Variants in ZC3H8 observed in about 807,000 individuals in gnomAD.
The protein encoded by ZC3H8 is zinc finger CCCH domain-containing protein 8.
Under a neutral mutation model 42.5 loss-of-function variants are expected in ZC3H8, and 27 were observed. The ratio of observed to expected loss-of-function variants is 0.64; its 90% CI spans 0.47 to 0.88. The LOEUF (loss-of-function observed/expected upper bound fraction) is 0.88. Ranked by LOEUF, ZC3H8 falls within the 40% of genes least tolerant of loss-of-function variation. The probability of loss-of-function intolerance (pLI) is 0.00; values close to 1 mark genes in which losing one functional copy is unlikely to be tolerated. For missense variants in ZC3H8, 277 were observed against 336.1 expected, an observed-to-expected ratio of 0.82 and a Z score of 1.37; for synonymous variants, 101 against 110.1, an observed-to-expected ratio of 0.92 and a Z score of 0.52.
intron 2 of ZC3H8, among the ~76,000 whole-genome samples, chr2:112,247,668 C>G (rs375826856): frequency 6.6e-6 from 1 of 152,212 alleles, no homozygotes; most frequent in East Asian, 1.9e-4. Context: ...AGAGGCTGCA[C>G]TGAAGCAAGC....
rs903126430 is a variant in ZC3H8 at position 112,242,597 on chromosome 2, C to T, written c.157-4069G>A. Among the ~76,000 whole-genome samples the T allele has an allele frequency of 1.5e-4, 23 of 152,194 alleles. No individual in the cohort carries two copies. The East Asian group carries it at 4.2e-3, about 28-fold the overall frequency. ...ACTTCAAATGTCAAGTATTTAAAGGCGCAGTGAATTGTGGATTATTATACT... is the reference window on the plus strand; with the variant it reads ...ACTTCAAATGTCAAGTATTTAAAGGTGCAGTGAATTGTGGATTATTATACT... On this transcript the variant is annotated intron_variant, in intron 2 of 8. Transcript: ENST00000409573.
chr2:112,240,335 G>C (rs1685526071), intron 2 of ZC3H8: 1 of 152,174 alleles, frequency 6.6e-6, no homozygotes, highest in Admixed American at 6.5e-5. Flanking sequence ...TTTATGAAAA[G>C]GTTGGCCGAC....
At chr2:112,220,932 T>C (rs1684557149) in intron 8 of ZC3H8, among the ~76,000 whole-genome samples, 3 of 152,266 alleles carry the variant, frequency 2.0e-5, no homozygotes, top group Non-Finnish European at 4.4e-5. Flanking sequence ...CTATCCGTCA[T>C]GAGGATGATC....
chr2:112,218,679 T>C (rs190598687), intron 8 of ZC3H8, among the ~76,000 whole-genome samples: 1 of 151,652 alleles, frequency 6.6e-6, no homozygotes, highest in African/African-American at 2.4e-5. Context: ...TTTGGAAACA[T>C]AGAGAGAGAG....
intron 8 of ZC3H8, among the ~76,000 whole-genome samples, chr2:112,229,371 C>A (rs1307704338): frequency 6.6e-6 from 1 of 151,832 alleles, no homozygotes; most frequent in Non-Finnish European, 1.5e-5. Context: ...TTTTTTCATT[C>A]ATTCTACCAG....
In ZC3H8 at chr2:112,216,683, C is replaced by CA. The variant is rs71385865; in HGVS notation, c.*16-216dup. On this transcript the variant is annotated intron_variant, in intron 8 of 8. Transcript: ENST00000409573. ...TCAAAAACTAAGATTAGAACTGAAG[C>CA]AAAAAAAAAAAAAATACAAATAATG... is the stretch of plus-strand genomic sequence containing the variant. Among the ~76,000 whole-genome samples, 457 of 120,988 alleles carry CA rather than the reference C, an allele frequency of 3.8e-3. 3 individuals are homozygous for CA. The highest frequency in any genetic ancestry group is 4.9e-3 in the African/African-American group (163 of 33,310). 79.4% of individuals were successfully genotyped at this position (120,988 alleles called of 152,430 possible).
chr2:112,236,690 TAGC>T lies in ZC3H8; in HGVS notation c.373_375del (p.Ala125del). On this transcript the variant is annotated inframe_deletion and splice_region_variant, in exon 4 of 9. Coordinates refer to ENST00000409573, the MANE Select transcript of ZC3H8 (RefSeq NM_032494.3). The stretch of plus-strand genomic sequence containing the variant: ...GCTTTAAGATTTTTATTTTTTTGTT[TAGC>T]AGCTAAAAACAAAAAATTAATTTAA... 1.2e-6 allele frequency: 2 copies of T among 1,605,746 alleles called. No homozygotes were observed. The highest frequency in any genetic ancestry group is 1.7e-6 in the Non-Finnish European group (2 of 1,176,734).
chr2:112,238,850 TTGATA>T (rs1295883656), intron 2 of ZC3H8, among the ~76,000 whole-genome samples: 2 of 152,268 alleles, frequency 1.3e-5, no homozygotes, highest in Non-Finnish European at 1.5e-5. Context: ...TCTTAATTAT[TTGATA>T]TGAGAGGATT....
rs2104633597 is a variant in ZC3H8 at position 112,212,298 on chromosome 2, T to G, written c.*4186A>C. The G allele has an allele frequency of 6.6e-6, 1 of 152,356 alleles. No homozygotes were observed. The highest frequency in any genetic ancestry group is 3.4e-3 in the Middle Eastern group (1 of 294). 9.4% of individuals were successfully genotyped at this position (152,356 alleles called of 1,614,324 possible). On this transcript the variant is annotated 3_prime_UTR_variant, in exon 9 of 9. Transcript: ENST00000409573. ...GGCCCTACCTCCTAACAGTTAGTCC[T>G]AGGAGTCAGGATTTCAACACATGAA... is the stretch of plus-strand genomic sequence containing the variant.
chr2:112,238,241 C>T, intron 3 of ZC3H8, 74 bp downstream of exon 3: 1 of 1,433,366 alleles, frequency 7.0e-7, no homozygotes, highest in South Asian at 1.3e-5. Context: ...AAAGAAAAAT[C>T]CTCTGTCCGT....
At chr2:112,250,602 C>T (rs1685912414) in intron 1 of ZC3H8, among the ~76,000 whole-genome samples, 1 of 152,332 alleles carries the variant, frequency 6.6e-6, no homozygotes, top group Admixed American at 6.5e-5. Flanking sequence ...GCCTTAGGCC[C>T]TGGACTACAA....
intron 1 of ZC3H8, among the ~76,000 whole-genome samples, chr2:112,252,352 T>A (rs1685979793): frequency 6.6e-6 from 1 of 152,098 alleles, no homozygotes; most frequent in Non-Finnish European, 1.5e-5. Flanking sequence ...CTCTCTCACA[T>A]CCCCATCCAA....
chr2:112,254,384 T>C (rs1404407211), intron 1 of ZC3H8, among the ~76,000 whole-genome samples: 1 of 152,242 alleles, frequency 6.6e-6, no homozygotes, highest in Non-Finnish European at 1.5e-5. Context: ...TTGTGGTCTT[T>C]AGGGTCTTTC....
intron 4 of ZC3H8, among the ~76,000 whole-genome samples, chr2:112,236,046 C>A (rs1685311751): frequency 6.6e-6 from 1 of 151,812 alleles, no homozygotes; most frequent in Non-Finnish European, 1.5e-5. Flanking sequence ...GGTGGATCAC[C>A]TGAGGTCAGG....
In ZC3H8 at chr2:112,231,760, ATCTTCAAATTC is replaced by A. The variant is rs1373960705; in HGVS notation, c.843+67_843+77del. ...AACCTAAGAGGCACTCTCCTTAATT[ATCTTCAAATTC>A]TCATCCTTAGTTCAAACATATTCCT... On this transcript the variant is annotated intron_variant, in intron 7 of 8. Coordinates refer to ENST00000409573, the MANE Select transcript of ZC3H8 (RefSeq NM_032494.3). 5.9e-6 allele frequency: 5 copies of A among 848,242 alleles called. No homozygotes were observed. The African/African-American group carries it at 8.6e-5, about 15-fold the overall frequency. The allele number at this position is 848,242 out of a possible 1,614,324, so 52.5% of individuals were successfully genotyped here. A position where few individuals can be genotyped will look rare whatever the true frequency, so the allele number is the denominator to read the frequency against.
At chr2:112,232,208 C>A (rs539584694) in intron 6 of ZC3H8, among the ~76,000 whole-genome samples, 1 of 150,778 alleles carries the variant, frequency 6.6e-6, no homozygotes, top group South Asian at 2.1e-4. Flanking sequence ...CCCAGCTACT[C>A]AGGAGGCTGA....
intron 2 of ZC3H8, among the ~76,000 whole-genome samples, chr2:112,244,501 CAAAG>C (rs1448698981): frequency 6.6e-6 from 1 of 152,180 alleles, no homozygotes; most frequent in Non-Finnish European, 1.5e-5. Flanking sequence ...GAGATATCTA[CAAAG>C]AAAGTTATAG....
In ZC3H8 at chr2:112,233,268, TAC is replaced by T. The variant is rs759596818; in HGVS notation, c.723_724del (p.Tyr242PhefsTer3). 6.4e-7 allele frequency: 1 copy of T among 1,573,154 alleles called. No homozygotes were observed. The highest frequency in any genetic ancestry group is 1.9e-5 in the Admixed American group (1 of 53,494). ...CTTGTGATAAAGGATATTATGCAAA[TAC>T]AGACAGTTTTCACCTCTGGTACAAT... On this transcript the variant is annotated frameshift_variant, in exon 6 of 9. Transcript: ENST00000409573. LOFTEE classifies it high-confidence loss of function.
chr2:112,228,762 T>C, intron 8 of ZC3H8, among the ~76,000 whole-genome samples: 1 of 152,178 alleles, frequency 6.6e-6, no homozygotes, highest in East Asian at 1.9e-4. Context: ...AAATGAAAAC[T>C]TTGATGCTTC....
Sources: gnomAD v4.1 joint callset for allele counts (sites outside exome capture counted in the v4.1 genomes callset) on GRCh38, gnomAD v4.1.1 for gene constraint, MANE v1.5 for transcripts, NCBI Gene and HGNC (gene_info 2026-07-23, HGNC 2026-07-21) for gene names.